The following UIMC1 variants were observed in gnomAD, a reference collection of about 807,000 sequenced individuals.
UIMC1 encodes ubiquitin interaction motif containing 1, also known as BRCA1-A complex subunit RAP80.
Under a neutral mutation model 84.9 loss-of-function variants are expected in UIMC1, and 42 were observed. That is an observed-to-expected ratio of 0.49 (90% CI 0.39 to 0.64). The LOEUF is 0.64. Ranked by LOEUF, UIMC1 falls within the 30% of genes least tolerant of loss-of-function variation. The probability of loss-of-function intolerance (pLI) is 0.00; values close to 1 mark genes in which losing one functional copy is unlikely to be tolerated. For missense variants in UIMC1, 825 were observed against 847.6 expected, an observed-to-expected ratio of 0.97 and a Z score of 0.33; for synonymous variants, 281 against 293.0, an observed-to-expected ratio of 0.96 and a Z score of 0.42.
intron 1 of UIMC1, among the ~76,000 whole-genome samples, chr5:177,020,695 T>C (rs1775771969): frequency 2.0e-5 from 3 of 152,206 alleles, no homozygotes; most frequent in Admixed American, 2.0e-4. Context: ...CCTCCCAAAG[T>C]GCTGGATTAC....
chr5:176,906,178 A>G (rs1311012309), intron 13 of UIMC1, 131 bp from the exon 14 acceptor site: 1 of 795,762 alleles, frequency 1.3e-6, no homozygotes, highest in Non-Finnish European at 2.0e-6. Context: ...CAGATCCCCA[A>G]TCCCCTAAAC....
chr5:176,910,389 A>G (rs1759964966), intron 11 of UIMC1, among the ~76,000 whole-genome samples: 1 of 152,230 alleles, frequency 6.6e-6, no homozygotes, highest in Admixed American at 6.5e-5. Flanking sequence ...CATGCTTTGG[A>G]AAATTTTTTT....
At chr5:176,992,040 T>C (rs1460788338) in intron 1 of UIMC1, among the ~76,000 whole-genome samples, 2 of 150,666 alleles carry the variant, frequency 1.3e-5, no homozygotes, top group African/African-American at 2.4e-5. Context: ...CATGATCACC[T>C]GAGCCTAGGG....
At chr5:176,997,434 C>T (rs888996915) in intron 1 of UIMC1, among the ~76,000 whole-genome samples, 27 of 152,052 alleles carry the variant, frequency 1.8e-4, no homozygotes, top group African/African-American at 6.3e-4. Context: ...ACCTGTAATC[C>T]CGCACTCTGG....
chr5:176,932,651 T>A (rs1338932708), intron 10 of UIMC1, among the ~76,000 whole-genome samples: 1 of 152,140 alleles, frequency 6.6e-6, no homozygotes. Flanking sequence ...GCAAAATACA[T>A]GTATTTCACT....
At chr5:176,917,314 G>A (rs1177313122) in intron 10 of UIMC1, among the ~76,000 whole-genome samples, 1 of 152,216 alleles carries the variant, frequency 6.6e-6, no homozygotes, top group Non-Finnish European at 1.5e-5. Context: ...GCCCACGCCT[G>A]TAATCCCAGC....
In UIMC1 at chr5:176,970,709, T is replaced by C. The variant is rs1182556765; in HGVS notation, c.357+33A>G. 3 of 1,613,614 alleles carry C rather than the reference T, an allele frequency of 1.9e-6. No individual in the cohort carries two copies. In the African/African-American group the frequency reaches 4.0e-5, roughly 22 times the overall value. Reference sequence around the variant, plus strand: ...AGAAGTCAAAAATATAGCTGATCAATCTCCACAAACTTTTGCAACATGGCA... The same window carrying C: ...AGAAGTCAAAAATATAGCTGATCAACCTCCACAAACTTTTGCAACATGGCA... On this transcript the variant is annotated intron_variant, in intron 4 of 14. Coordinates refer to ENST00000511320, the MANE Select transcript of UIMC1 (RefSeq NM_001199298.2).
chr5:176,915,104 A>G (rs1251973093), intron 10 of UIMC1, among the ~76,000 whole-genome samples: 1 of 152,224 alleles, frequency 6.6e-6, no homozygotes, highest in Non-Finnish European at 1.5e-5. Flanking sequence ...GGATGGAAAA[A>G]GAATTAATTG....
Position 176,946,502 on chromosome 5 carries a change from ACT to A in UIMC1, c.1444-3016_1444-3015del, listed in dbSNP as rs533895556. 3.3e-4 allele frequency among the ~76,000 whole-genome samples: 50 copies of A among 151,554 alleles called. 1 individual carries two copies. The East Asian group carries it at 9.1e-3, about 28-fold the overall frequency. On this transcript the variant is annotated intron_variant, in intron 9 of 14. Coordinates refer to ENST00000511320, the MANE Select transcript of UIMC1 (RefSeq NM_001199298.2). ...ACTCCAGCCTGGGTGACAGAGCAAA[ACT>A]CTGCCTCCAAAAAAAAAGGAAAGAA...
At chr5:176,955,236 TTGAA>T (rs1160507715) in intron 8 of UIMC1, among the ~76,000 whole-genome samples, 5 of 152,218 alleles carry the variant, frequency 3.3e-5, no homozygotes, top group African/African-American at 9.6e-5. Flanking sequence ...ATGTGCAACT[TTGAA>T]TGAGCATCTC....
chr5:176,984,933 T>G (rs954447921), intron 1 of UIMC1, among the ~76,000 whole-genome samples: 11 of 152,082 alleles, frequency 7.2e-5, no homozygotes, highest in East Asian at 3.9e-4. Flanking sequence ...TAATCTCAAG[T>G]ACCCAGGGAC....
rs566879133 is a variant in UIMC1, at chr5:176,905,219, G to T, written c.*63C>A. 130 of 1,562,364 alleles carry T rather than the reference G, an allele frequency of 8.3e-5. No individual in the cohort carries two copies. The African/African-American group carries it at 1.5e-3, about 19-fold the overall frequency. On this transcript the variant is annotated 3_prime_UTR_variant, in exon 15 of 15. Transcript: ENST00000511320. ...TCAACAATGAACTAGGGACCACTAT[G>T]GCTTAATGAACATGGCCCACCCCTC...
At chr5:176,930,985 T>C (rs1395106160) in intron 10 of UIMC1, among the ~76,000 whole-genome samples, 2 of 152,210 alleles carry the variant, frequency 1.3e-5, no homozygotes, top group African/African-American at 4.8e-5. Context: ...GCTTCCACGG[T>C]CTTCTCAAAC....
At chr5:176,935,160 T>C (rs1393168679) in intron 10 of UIMC1, among the ~76,000 whole-genome samples, 1 of 151,608 alleles carries the variant, frequency 6.6e-6, no homozygotes, top group Non-Finnish European at 1.5e-5. Context: ...ACATAATTCA[T>C]ACAAATGTTA....
Position 176,968,942 on chromosome 5 carries a change from C to T in UIMC1, c.813G>A (p.Gly271=). 2 of 1,614,166 alleles carry T rather than the reference C, an allele frequency of 1.2e-6. No homozygotes were observed. The highest frequency in any genetic ancestry group is 2.2e-5 in the East Asian group (1 of 44,890). Residue 271 remains glycine (G), a synonymous_variant, in exon 6 of 15, where the codon GGG becomes GGA. Coordinates refer to ENST00000511320, the MANE Select transcript of UIMC1 (RefSeq NM_001199298.2). ...TACCCCAGAAATAGTTCACAGTGCC[C>T]CCAGTGTCCTGGAGACCTTTGGCAT... ...LADAKGLQDT[G]GTVNYFWGIP... is the part of the protein sequence containing the mutation.
In UIMC1 at chr5:176,993,764, T is replaced by C. The variant is rs186181770; in HGVS notation, c.-8-11141A>G. ...GGCTCACGCCTGTAATCCCACCACATTGGGAGGCTGAGGCAGGAGGATCAC... is the reference window on the plus strand; with the variant it reads ...GGCTCACGCCTGTAATCCCACCACACTGGGAGGCTGAGGCAGGAGGATCAC... On this transcript the variant is annotated intron_variant, in intron 1 of 14. Transcript: ENST00000511320. Among the ~76,000 whole-genome samples, 106 of 152,030 alleles carry C rather than the reference T, an allele frequency of 7.0e-4. 2 individuals carry two copies. The South Asian group carries it at 0.011, about 16-fold the overall frequency.
chr5:176,949,009 T>C (rs180725881), intron 9 of UIMC1, among the ~76,000 whole-genome samples: 71 of 151,890 alleles, frequency 4.7e-4, no homozygotes, highest in Non-Finnish European at 8.2e-4. Context: ...TTTTAAAATA[T>C]TTTCCTACTA....
intron 8 of UIMC1, 87 bp from the exon 9 acceptor site, chr5:176,951,664 G>T: frequency 3.1e-6 from 3 of 979,726 alleles, no homozygotes; most frequent in Admixed American, 2.7e-5. Flanking sequence ...TTCACCTAAA[G>T]TTTAGGATAT....
intron 1 of UIMC1, among the ~76,000 whole-genome samples, chr5:177,000,005 C>T (rs1774211900): frequency 6.6e-6 from 1 of 152,136 alleles, no homozygotes; most frequent in African/African-American, 2.4e-5. Flanking sequence ...GTCACCCAGG[C>T]GGGAGTGCAG....
Sources: gnomAD v4.1 joint callset for allele counts (sites outside exome capture counted in the v4.1 genomes callset) on GRCh38, gnomAD v4.1.1 for gene constraint, MANE v1.5 for transcripts, NCBI Gene and HGNC (gene_info 2026-07-23, HGNC 2026-07-21) for gene names.